Variants in ZNF44 observed in about 807,000 individuals in gnomAD.
The protein encoded by ZNF44 is gonadotropin inducible transcription repressor-2.
Under a neutral mutation model 11.7 loss-of-function variants are expected in ZNF44, and 9 were observed. That is an observed-to-expected ratio of 0.77 (90% CI 0.46 to 1.35). The LOEUF is 1.35. Ranked by LOEUF, ZNF44 falls within the 40% of genes most tolerant of loss-of-function variation. ZNF44 has a pLI of 0.00. For missense variants in ZNF44, 696 were observed against 743.1 expected (o/e 0.94, Z 0.74); for synonymous variants, 224 against 242.7 (o/e 0.92, Z 0.72).
At chr19:12,253,458 G>A (rs184747531) in intron 5 of ZNF44, among the ~76,000 whole-genome samples, 1 of 152,066 alleles carries the variant, frequency 6.6e-6, no homozygotes, top group Admixed American at 6.6e-5. Flanking sequence ...CCAAAGTGCT[G>A]GTATTACAGG....
At chr19:12,292,118 C>A (rs563144664) in intron 1 of ZNF44, among the ~76,000 whole-genome samples, 1 of 151,976 alleles carries the variant, frequency 6.6e-6, no homozygotes, top group South Asian at 2.1e-4. Flanking sequence ...CACTTGAGCC[C>A]GGGACTTCAA....
intron 1 of ZNF44, chr19:12,293,500 G>T: frequency 1.2e-6 from 1 of 847,894 alleles, no homozygotes; most frequent in Non-Finnish European, 1.7e-6. Flanking sequence ...AGTGTCAGGT[G>T]GTTATTCTCT....
chr19:12,237,914 T>C (rs954966639), upstream of ZNF44: 2 of 152,348 alleles, frequency 1.3e-5, no homozygotes, highest in African/African-American at 4.8e-5. Flanking sequence ...CCTTTCTGTT[T>C]CTTCCTTCTG....
At chr19:12,284,386 C>A in intron 1 of ZNF44, 1 of 617,726 alleles carries the variant, frequency 1.6e-6, no homozygotes, top group Non-Finnish European at 3.0e-6. Context: ...CCTGGGGACC[C>A]TGGGATGGGG....
chr19:12,238,498 C>T (rs750316890), upstream of ZNF44, among the ~76,000 whole-genome samples: 3 of 151,952 alleles, frequency 2.0e-5, no homozygotes, highest in Admixed American at 6.6e-5. Flanking sequence ...CGTGGTGGCA[C>T]GTGCCTGTAG....
intron 5 of ZNF44, chr19:12,250,463 G>A (rs1267568946): frequency 9.6e-7 from 1 of 1,042,066 alleles, no homozygotes; most frequent in Non-Finnish European, 1.3e-6. Context: ...ATGATTCTGT[G>A]ATCTCCAGAG....
chr19:12,242,366 C>T (rs111327833), upstream of ZNF44, among the ~76,000 whole-genome samples: 24,096 of 151,388 alleles, frequency 0.16, 2,159 homozygotes, highest in African/African-American at 0.24. Flanking sequence ...AAAAATTAGC[C>T]GGGCGTGGTG....
chr19:12,246,870 TAAAAC>T (rs1599494943), downstream of ZNF44, among the ~76,000 whole-genome samples: 1 of 148,318 alleles, frequency 6.7e-6, no homozygotes, highest in South Asian at 2.1e-4. Flanking sequence ...AAAAAAAAAA[TAAAAC>T]AAAAAAACTG....
intron 1 of ZNF44, chr19:12,276,297 T>G: frequency 1.6e-6 from 1 of 636,026 alleles, no homozygotes; most frequent in South Asian, 1.5e-5. Context: ...AGTAGGAACA[T>G]ATCTCTTATT....
intron 1 of ZNF44, among the ~76,000 whole-genome samples, chr19:12,235,100 G>A (rs774806724): frequency 1.6e-4 from 24 of 152,316 alleles, no homozygotes; most frequent in Middle Eastern, 3.4e-3. Context: ...GTTGGGGCCG[G>A]GCGTGGTGGC....
chr19:12,259,840 C>A (rs1481366496), intron 5 of ZNF44, among the ~76,000 whole-genome samples: 1 of 152,182 alleles, frequency 6.6e-6, no homozygotes, highest in African/African-American at 2.4e-5. Context: ...GTGGGAGAGG[C>A]GCATGAAGCA....
intron 1 of ZNF44, among the ~76,000 whole-genome samples, chr19:12,279,947 A>G (rs112457646): frequency 6.9e-6 from 1 of 144,502 alleles, no homozygotes; most frequent in East Asian, 2.1e-4. Flanking sequence ...GTGTGTGTGT[A>G]TACACACACA....
At chr19:12,290,465 G>A (rs1000096087) in intron 1 of ZNF44, among the ~76,000 whole-genome samples, 1 of 149,934 alleles carries the variant, frequency 6.7e-6, no homozygotes, top group Non-Finnish European at 1.5e-5. Context: ...CACTTTGGGA[G>A]GCCAAGGCCG....
intron 5 of ZNF44, among the ~76,000 whole-genome samples, chr19:12,265,182 G>A (rs10403152): frequency 0.15 from 23,156 of 151,884 alleles, 1,848 homozygotes; most frequent in African/African-American, 0.2. Context: ...ATTTTGGGAG[G>A]ATCACTTGAG....
At chr19:12,243,360 T>TG (rs1916683228), downstream of ZNF44, among the ~76,000 whole-genome samples, 1 of 152,214 alleles carries the variant, frequency 6.6e-6, no homozygotes. Context: ...CCTTCTGGAC[T>TG]CTAGTAACCA....
At chr19:12,253,045 AC>A (rs1917085435) in intron 5 of ZNF44, among the ~76,000 whole-genome samples, 1 of 151,568 alleles carries the variant, frequency 6.6e-6, no homozygotes, top group African/African-American at 2.4e-5. Context: ...GTGCCACCAC[AC>A]CCAGCTAATT....
chr19:12,228,338 T>G (rs1568416984), intron 3 of ZNF44, among the ~76,000 whole-genome samples: 1 of 152,220 alleles, frequency 6.6e-6, no homozygotes, highest in Non-Finnish European at 1.5e-5. Flanking sequence ...GTTGAAAACC[T>G]TGGTAAGTTT....
At chr19:12,241,013 G>C (rs184068625), upstream of ZNF44, among the ~76,000 whole-genome samples, 1 of 152,242 alleles carries the variant, frequency 6.6e-6, no homozygotes, top group Admixed American at 6.5e-5. Flanking sequence ...ACGTATCTTG[G>C]AAGAGATTAA....
chr19:12,289,780 C>T (rs1599550860), intron 1 of ZNF44, among the ~76,000 whole-genome samples: 1 of 151,336 alleles, frequency 6.6e-6, no homozygotes, highest in Admixed American at 6.6e-5. Flanking sequence ...GAGTAGCACC[C>T]GCCAGCATGC....
Sources: allele counts gnomAD v4.1 joint callset (sites outside exome capture counted in the v4.1 genomes callset), GRCh38; gene constraint gnomAD v4.1.1; transcripts MANE v1.5; gene names NCBI Gene and HGNC (gene_info 2026-07-23, HGNC 2026-07-21).